The following RPA1 variants were observed in gnomAD, a reference collection of about 807,000 sequenced individuals.
RPA1 encodes the protein replication protein A1.
In RPA1, 49 loss-of-function variants were observed where a neutral mutation model predicts 83.0. That is an observed-to-expected ratio of 0.59 (90% CI 0.47 to 0.75). The LOEUF (loss-of-function observed/expected upper bound fraction) is 0.75, where lower values mean the gene tolerates loss of function less well. Ranked by LOEUF, RPA1 falls within the 30% of genes least tolerant of loss-of-function variation. The probability of loss-of-function intolerance (pLI) is 0.00; values close to 1 mark genes in which losing one functional copy is unlikely to be tolerated. For synonymous variants in RPA1, 279 were observed against 281.8 expected, an observed-to-expected ratio of 0.99 and a Z score of 0.10; for missense variants, 693 against 776.1, an observed-to-expected ratio of 0.89 and a Z score of 1.27.
At chr17:1,842,731 A>G in intron 1 of RPA1, 72 bp from the exon 2 acceptor site, 3 of 1,351,178 alleles carry the variant, frequency 2.2e-6, no homozygotes, top group Non-Finnish European at 3.2e-6. Context: ...TCCAAATACC[A>G]ACTATAAAAA....
rs546168945 is a variant in RPA1 at position 1,891,574 on chromosome 17, C to T, written c.1552-259C>T. ...AGCTGGGATTACAGGCACCCGCCAC[C>T]ATGCCTGGCTAATTTTTGTATTTTT... On this transcript the variant is annotated intron_variant, in intron 14 of 16. Transcript: ENST00000254719. 45 of 169,000 alleles carry T rather than the reference C, an allele frequency of 2.7e-4. No homozygotes were observed. The East Asian group carries it at 2.9e-3, about 11-fold the overall frequency. The allele number at this position is 169,000 out of a possible 1,614,324, so 10.5% of individuals were successfully genotyped here.
At chr17:1,835,999 G>A (rs1046830976) in intron 1 of RPA1, among the ~76,000 whole-genome samples, 2 of 152,112 alleles carry the variant, frequency 1.3e-5, no homozygotes, top group Non-Finnish European at 2.9e-5. Context: ...GGTGTTTAAT[G>A]TAATTACTGA....
intron 5 of RPA1, among the ~76,000 whole-genome samples, chr17:1,863,575 G>A (rs1913068465): frequency 6.6e-6 from 1 of 152,116 alleles, no homozygotes; most frequent in Admixed American, 6.6e-5. Context: ...GGCTGGTCTT[G>A]AGCTCCTGAG....
Position 1,843,940 on chromosome 17 carries a change from G to C in RPA1, c.105G>C (p.Thr35=). Residue 35 remains threonine, a synonymous_variant, in exon 3 of 17, where the codon ACG becomes ACC. Transcript: ENST00000254719. The part of the protein sequence containing the change: ...LQVINIRPIT[T]GNSPPRYRLL... ...CCTAGAACATCCGTCCCATTACTAC[G>C]GGGAATAGTCCGCCGCGTTATCGAC... The C allele has an allele frequency of 6.2e-7, 1 of 1,613,834 alleles. No homozygotes were observed. The highest frequency in any genetic ancestry group is 8.5e-7 in the Non-Finnish European group (1 of 1,179,860).
At chr17:1,863,763 A>G (rs746418709) in intron 5 of RPA1, among the ~76,000 whole-genome samples, 55 of 152,248 alleles carry the variant, frequency 3.6e-4, no homozygotes, top group Non-Finnish European at 7.2e-4. Context: ...GCAATTTTCA[A>G]ATGGTTGTTA....
chr17:1,836,708 C>A (rs1257294261), intron 1 of RPA1, among the ~76,000 whole-genome samples: 2 of 151,662 alleles, frequency 1.3e-5, no homozygotes, highest in Non-Finnish European at 2.9e-5. Flanking sequence ...GTCACCCAGG[C>A]TGGAGTGCAG....
chr17:1,894,948 A>G, intron 15 of RPA1, 61 bp from the exon 16 acceptor site: 1 of 1,344,294 alleles, frequency 7.4e-7, no homozygotes, highest in Non-Finnish European at 1.1e-6. Context: ...TAAAAGTCTT[A>G]TCAGTATTTG....
At chr17:1,886,745 C>T (rs1181829333) in intron 13 of RPA1, among the ~76,000 whole-genome samples, 1 of 134,346 alleles carries the variant, frequency 7.4e-6, no homozygotes, top group Non-Finnish European at 1.5e-5. Flanking sequence ...CTCACTCTGT[C>T]ACCCAGGCTG....
intron 2 of RPA1, 22 bp downstream of exon 2, chr17:1,842,875 G>C (rs756146439): frequency 6.2e-7 from 1 of 1,611,266 alleles, no homozygotes; most frequent in South Asian, 1.1e-5. Flanking sequence ...CGTATGTTAT[G>C]TTCCATGTCA....
At chr17:1,875,532 A>G (rs934577192) in intron 6 of RPA1, 129 bp from the exon 7 acceptor site, 20 of 1,003,044 alleles carry the variant, frequency 2.0e-5, no homozygotes, top group South Asian at 1.2e-4. Context: ...TAAAAAGGAA[A>G]AGCTTTGCCT....
At chr17:1,894,891 C>G in intron 15 of RPA1, 118 bp from the exon 16 acceptor site, 1 of 719,188 alleles carries the variant, frequency 1.4e-6, no homozygotes, top group Non-Finnish European at 2.4e-6. Context: ...TGAGTCATTC[C>G]TAAGTAATTT....
At chr17:1,831,640 C>G (rs1012934073) in intron 1 of RPA1, among the ~76,000 whole-genome samples, 10 of 151,008 alleles carry the variant, frequency 6.6e-5, no homozygotes, top group African/African-American at 2.4e-4. Flanking sequence ...GCTCTGTTGC[C>G]CAGGCTGGAG....
At chr17:1,889,578 T>TC (rs1037441304) in intron 14 of RPA1, among the ~76,000 whole-genome samples, 2 of 152,112 alleles carry the variant, frequency 1.3e-5, no homozygotes, top group African/African-American at 4.8e-5. Flanking sequence ...TGGCCTCATG[T>TC]CATCCTCCCA....
rs1913935125 is a variant in RPA1 at position 1,884,914 on chromosome 17, C to A, written c.1374+970C>A. 6.6e-6 allele frequency among the ~76,000 whole-genome samples: 1 copy of A among 152,200 alleles called. No individual in the cohort carries two copies. Among genetic ancestry groups the A allele is most frequent in the South Asian group, 2.1e-4 (1 of 4,838 alleles). ...TCTTCTTGCTGGTGGGGGTTTGTTTCAGGGTTGATGGCTGAGCAGTCACGG... is the reference window on the plus strand; with the variant it reads ...TCTTCTTGCTGGTGGGGGTTTGTTTAAGGGTTGATGGCTGAGCAGTCACGG... On this transcript the variant is annotated intron_variant, in intron 13 of 16. Coordinates refer to ENST00000254719, the MANE Select transcript of RPA1 (RefSeq NM_002945.5). This position sits in a 1 kb window ranked among gnomAD's most constrained non-coding sequence, Gnocchi z 4.1.
intron 5 of RPA1, among the ~76,000 whole-genome samples, chr17:1,860,913 A>G (rs1912932749): frequency 6.6e-6 from 1 of 152,174 alleles, no homozygotes; most frequent in African/African-American, 2.4e-5. Context: ...TTTAAGATTT[A>G]TTAGAGAATC....
intron 7 of RPA1, among the ~76,000 whole-genome samples, chr17:1,876,332 A>G (rs1255448917): frequency 6.6e-6 from 1 of 152,176 alleles, no homozygotes; most frequent in Non-Finnish European, 1.5e-5. Flanking sequence ...AGGCGGGTGG[A>G]TCACCTGAGG....
intron 1 of RPA1, 68 bp downstream of exon 1, chr17:1,830,194 G>C: frequency 8.5e-7 from 1 of 1,178,448 alleles, no homozygotes; most frequent in East Asian, 3.2e-5. Flanking sequence ...GCGGAGTAGA[G>C]AGGGGGAGGG....
intron 5 of RPA1, among the ~76,000 whole-genome samples, chr17:1,863,916 AAAAG>A (rs1913081258): frequency 6.6e-6 from 1 of 152,264 alleles, no homozygotes; most frequent in Non-Finnish European, 1.5e-5. Context: ...TAATTTATAG[AAAAG>A]AAATGTTCAG....
At chr17:1,851,405 T>G (rs1912493895) in intron 4 of RPA1, among the ~76,000 whole-genome samples, 1 of 152,220 alleles carries the variant, frequency 6.6e-6, no homozygotes, top group Non-Finnish European at 1.5e-5. Flanking sequence ...TCTCCTTTAC[T>G]GTTTATTTGC....
Sources: allele counts gnomAD v4.1 joint callset (sites outside exome capture counted in the v4.1 genomes callset), GRCh38; gene constraint gnomAD v4.1.1; non-coding constraint Gnocchi (gnomAD v3.1); transcripts MANE v1.5; gene names NCBI Gene and HGNC (gene_info 2026-07-23, HGNC 2026-07-21).